Variants in STN1 observed in about 807,000 individuals in gnomAD.
The protein encoded by STN1 is STN1 subunit of CST complex.
A neutral mutation model predicts 45.5 loss-of-function variants in STN1; 29 were observed. That is an observed-to-expected ratio of 0.64 (90% confidence interval 0.47 to 0.87). The LOEUF is 0.87. Among genes scored for constraint, STN1 ranks in the 40% least tolerant of loss-of-function variants. The pLI, the probability that STN1 is intolerant of heterozygous loss-of-function variation, is 0.00. For synonymous variants in STN1, 148 were observed against 159.0 expected, an observed-to-expected ratio of 0.93 and a Z score of 0.52; for missense variants, 376 against 441.4, an observed-to-expected ratio of 0.85 and a Z score of 1.33.
At chr10:103,883,453 AC>A (rs1340770191) in intron 9 of STN1, among the ~76,000 whole-genome samples, 2 of 152,006 alleles carry the variant, frequency 1.3e-5, no homozygotes, top group African/African-American at 4.8e-5. Flanking sequence ...AGAGTTAGTA[AC>A]CTCTTTCCTA....
intron 2 of STN1, among the ~76,000 whole-genome samples, chr10:103,913,583 C>T (rs753659109): frequency 5.3e-5 from 8 of 152,036 alleles, no homozygotes; most frequent in Non-Finnish European, 8.8e-5. Context: ...AAAGAAGAAA[C>T]TTCTCCAAGT....
At chr10:103,902,765 G>A (rs1843217596) in intron 4 of STN1, among the ~76,000 whole-genome samples, 1 of 152,192 alleles carries the variant, frequency 6.6e-6, no homozygotes, top group Non-Finnish European at 1.5e-5. Flanking sequence ...CCAATGGAAA[G>A]CTTTTAAACT....
In STN1 at chr10:103,917,280, A is replaced by AC. The variant is rs1843339628; in HGVS notation, c.133+181_133+182insG. Among the ~76,000 whole-genome samples the AC allele has an allele frequency of 1.4e-5, 2 of 145,292 alleles. 1 individual carries two copies. Among genetic ancestry groups the AC allele is most frequent in the African/African-American group, 5.1e-5 (2 of 39,454 alleles). ...TACTAAAAAAAAAAAAAAAAAAAAAAAGATTTAGACTGTTTTTTTTACCTT... is the reference window on the plus strand; with the variant it reads ...TACTAAAAAAAAAAAAAAAAAAAAAACAGATTTAGACTGTTTTTTTTACCTT... On this transcript the variant is annotated intron_variant, in intron 2 of 9. Coordinates refer to ENST00000224950, the MANE Select transcript of STN1 (RefSeq NM_024928.5).
rs765340228 is a variant in STN1 at position 103,900,173 on chromosome 10, GCTT to G, written c.343_345del (p.Lys115del). 6.8e-6 allele frequency: 11 copies of G among 1,614,024 alleles called. No homozygotes were observed. In the Admixed American group the frequency reaches 8.3e-5, roughly 12 times the overall value. ...GTTTTCTGCTCAATGGTCTCTTGTA[GCTT>G]CTTAAGTTGTGAGGTTAAGCTGAGC... On this transcript the variant is annotated inframe_deletion, in exon 5 of 10. Transcript: ENST00000224950.
chr10:103,906,486 G>A (rs941435700), intron 3 of STN1, among the ~76,000 whole-genome samples: 6 of 151,928 alleles, frequency 3.9e-5, no homozygotes, highest in African/African-American at 9.7e-5. Flanking sequence ...GGGAGACCCC[G>A]TCTCTACCAA....
chr10:103,885,861 T>C (rs1167511664), intron 9 of STN1, among the ~76,000 whole-genome samples: 1 of 152,204 alleles, frequency 6.6e-6, no homozygotes, highest in East Asian at 1.9e-4. Flanking sequence ...AGTTATCTTA[T>C]GACGGATCAC....
In STN1 at chr10:103,882,630, G is replaced by A; in HGVS notation, c.*54C>T. ...TGCATGATGCTGAAAGTCAGAGCCT[G>A]GGGGTGAATGCCACCTTATCTTTGT... On this transcript the variant is annotated 3_prime_UTR_variant, in exon 10 of 10. Transcript: ENST00000224950. 1 of 1,544,296 alleles carries A rather than the reference G, an allele frequency of 6.5e-7. No individual in the cohort carries two copies.
At position 103,889,142 on chromosome 10, in the gene STN1, T is replaced by A; in HGVS notation, c.879A>T (p.Val293=). The A allele has an allele frequency of 6.2e-7, 1 of 1,610,444 alleles. No homozygotes were observed. The highest frequency in any genetic ancestry group is 8.5e-7 in the Non-Finnish European group (1 of 1,176,656). ...TGTGCAGGTCTTTGTCTTCTCTGGT[T>A]ACCTAAATAGGAAAAATAGTTGAGA... The part of the protein sequence containing the change: ...KDDGFDNLYY[V]TREDKDLHRK... Residue 293 remains valine, a splice_region_variant and synonymous_variant, in exon 9 of 10, where the codon GTA becomes GTT. Transcript: ENST00000224950.
At chr10:103,892,023 G>T in intron 8 of STN1, 107 bp downstream of exon 8, 1 of 923,180 alleles carries the variant, frequency 1.1e-6, no homozygotes, top group Non-Finnish European at 1.6e-6. Flanking sequence ...CTGATTTTAT[G>T]TACCTCCTTA....
At chr10:103,911,091 A>T (rs3752946) in intron 2 of STN1, among the ~76,000 whole-genome samples, 75,377 of 149,472 alleles carry the variant, frequency 0.5, 19,531 homozygotes, top group Admixed American at 0.55. Flanking sequence ...CATTTTTTTT[A>T]AAAAAAAACA....
At chr10:103,888,167 T>G (rs1466934115) in intron 9 of STN1, among the ~76,000 whole-genome samples, 1 of 152,242 alleles carries the variant, frequency 6.6e-6, no homozygotes, top group Non-Finnish European at 1.5e-5. Flanking sequence ...ACTAGGGCTG[T>G]CTACCATAAA....
chr10:103,898,048 A>G (rs751018148), intron 6 of STN1, among the ~76,000 whole-genome samples: 1 of 152,202 alleles, frequency 6.6e-6, no homozygotes, highest in Non-Finnish European at 1.5e-5. Context: ...AGAAGAAACT[A>G]ATTTAAAAAG....
intron 3 of STN1, among the ~76,000 whole-genome samples, chr10:103,908,275 C>T (rs913178647): frequency 1.6e-4 from 7 of 43,578 alleles, no homozygotes; most frequent in African/African-American, 1.8e-4. Context: ...CACCAACCCC[C>T]GGACTTCCCA....
intron 7 of STN1, among the ~76,000 whole-genome samples, chr10:103,895,207 T>G (rs1295221549): frequency 3.3e-5 from 5 of 152,238 alleles, no homozygotes; most frequent in Non-Finnish European, 7.3e-5. Context: ...CGATTCTTTT[T>G]AAACATATAG....
chr10:103,914,374 A>ATATATTTTTTTTTT (rs1554837551), intron 2 of STN1, among the ~76,000 whole-genome samples: 1 of 97,362 alleles, frequency 1.0e-5, no homozygotes, highest in African/African-American at 4.9e-5. Flanking sequence ...ATATATATAT[A>ATATATTTTTTTTTT]TTTTTTTTTT....
intron 2 of STN1, among the ~76,000 whole-genome samples, chr10:103,912,017 G>A (rs1266366894): frequency 2.0e-5 from 3 of 152,078 alleles, no homozygotes; most frequent in Non-Finnish European, 4.4e-5. Context: ...ACAGAGGCAC[G>A]CTTCAAGAGA....
At chr10:103,891,533 T>C (rs899945090) in intron 8 of STN1, among the ~76,000 whole-genome samples, 3 of 152,194 alleles carry the variant, frequency 2.0e-5, no homozygotes, top group Non-Finnish European at 2.9e-5. Flanking sequence ...ATGCACAGGA[T>C]AGTTCCCATG....
At chr10:103,901,384 T>A (rs1589500298) in intron 4 of STN1, among the ~76,000 whole-genome samples, 1 of 152,228 alleles carries the variant, frequency 6.6e-6, no homozygotes, top group African/African-American at 2.4e-5. Flanking sequence ...TATAAATTTT[T>A]ACTTTCGTTT....
Position 103,882,563 on chromosome 10 carries a change from A to T in STN1, c.*121T>A. 1 of 996,024 alleles carries T rather than the reference A, an allele frequency of 1.0e-6. No homozygotes were observed. Among genetic ancestry groups the T allele is most frequent in the Non-Finnish European group, 1.5e-6 (1 of 688,678 alleles). The allele number at this position is 996,024 out of a possible 1,614,324, so 61.7% of individuals were successfully genotyped here. On this transcript the variant is annotated 3_prime_UTR_variant, in exon 10 of 10. Transcript: ENST00000224950. ...CCCATTCCCAAGATGACTATATTTT[A>T]TAGTTTATTATGAGGTAACTGCCTC...
Sources: gnomAD v4.1 joint callset for allele counts (sites outside exome capture counted in the v4.1 genomes callset) on GRCh38, gnomAD v4.1.1 for gene constraint, MANE v1.5 for transcripts, NCBI Gene and HGNC (gene_info 2026-07-23, HGNC 2026-07-21) for gene names.